PCDH11X: variants seen among roughly 807,000 people sequenced by gnomAD.
The protein encoded by PCDH11X is protocadherin-11 X-linked.
A neutral mutation model predicts 53.3 loss-of-function variants in PCDH11X; 18 were observed. That is an observed-to-expected ratio of 0.34 (90% CI 0.23 to 0.50). PCDH11X has a LOEUF of 0.50. Among genes scored for constraint, PCDH11X ranks in the 20% least tolerant of loss-of-function variants. The pLI is 0.98. For missense variants in PCDH11X, 570 were observed against 1,032.4 expected (o/e 0.55, Z 6.14); for synonymous variants, 279 against 393.3 (o/e 0.71, Z 3.44).
intron 6 of PCDH11X, among the ~76,000 whole-genome samples, chrX:91,931,185 A>G (rs1942125284): frequency 9.4e-6 from 1 of 106,859 alleles, no homozygotes; most frequent in Non-Finnish European, 1.9e-5. Flanking sequence ...GTATATGATC[A>G]TTAATTTTGA....
At chrX:92,501,949 T>A (rs1352719159) in intron 10 of PCDH11X, among the ~76,000 whole-genome samples, 1 of 110,831 alleles carries the variant, frequency 9.0e-6, no homozygotes, top group African/African-American at 3.3e-5. Flanking sequence ...GCAGATGACA[T>A]CATCCTATAT....
At chrX:92,309,391 C>A in intron 8 of PCDH11X, among the ~76,000 whole-genome samples, 1 of 111,628 alleles carries the variant, frequency 9.0e-6, no homozygotes, top group Middle Eastern at 4.6e-3. Flanking sequence ...AAACCATTCA[C>A]AAAAGGACGA....
In PCDH11X at chrX:92,619,090, C is replaced by T; in HGVS notation, c.*150C>T. On this transcript the variant is annotated 3_prime_UTR_variant, in exon 11 of 11. Coordinates refer to ENST00000682573, the MANE Select transcript of PCDH11X (RefSeq NM_032968.5). ...ATAAATCTACAGCTAGACCCTTAGTCAATAGTTAACCAAAAAATTGCAATT... is the reference window on the plus strand; with the variant it reads ...ATAAATCTACAGCTAGACCCTTAGTTAATAGTTAACCAAAAAATTGCAATT... 1 of 636,352 alleles carries T rather than the reference C, an allele frequency of 1.6e-6. No individual in the cohort carries two copies. The allele number at this position is 636,352 out of a possible 1,213,427, so 52.4% of individuals were successfully genotyped here. A position where few individuals can be genotyped will look rare whatever the true frequency, so the allele number is the denominator to read the frequency against.
chrX:92,087,369 G>T (rs369093738), intron 6 of PCDH11X, among the ~76,000 whole-genome samples: 2 of 108,868 alleles, frequency 1.8e-5, no homozygotes, highest in East Asian at 2.9e-4. Context: ...TGGGATTACA[G>T]GCGTGAGCCA....
At chrX:92,383,692 G>T (rs377581597) in intron 8 of PCDH11X, among the ~76,000 whole-genome samples, 1 of 111,799 alleles carries the variant, frequency 8.9e-6, no homozygotes, top group Non-Finnish European at 1.9e-5. Context: ...TCCATGGAGT[G>T]TATGTGCCAC....
chrX:91,977,212 CAAAT>C (rs1244412397), intron 6 of PCDH11X, among the ~76,000 whole-genome samples: 1 of 111,390 alleles, frequency 9.0e-6, no homozygotes, highest in African/African-American at 3.3e-5. Context: ...TCTCTTTTAA[CAAAT>C]AAAAAGAAAA....
intron 6 of PCDH11X, among the ~76,000 whole-genome samples, chrX:92,064,753 CG>C (rs2063580367): frequency 9.2e-6 from 1 of 109,150 alleles, no homozygotes; most frequent in Admixed American, 9.9e-5. Context: ...TTTTTCTCCC[CG>C]GGGGAGGCAG....
At chrX:91,793,760 C>G (rs1483886169) in intron 1 of PCDH11X, among the ~76,000 whole-genome samples, 1 of 111,003 alleles carries the variant, frequency 9.0e-6, no homozygotes, top group Non-Finnish European at 1.9e-5. Context: ...TAATAATACA[C>G]TAAGGTGTAT....
At chrX:91,961,678 G>T (rs1271975598) in intron 6 of PCDH11X, among the ~76,000 whole-genome samples, 1 of 106,749 alleles carries the variant, frequency 9.4e-6, no homozygotes, top group Non-Finnish European at 1.9e-5. Flanking sequence ...CTCAAAAGGA[G>T]AAATTTTAAA....
intron 8 of PCDH11X, among the ~76,000 whole-genome samples, chrX:92,384,721 G>A (rs1321790920): frequency 2.8e-5 from 3 of 105,434 alleles, no homozygotes; most frequent in Admixed American, 1.0e-4. Flanking sequence ...TCTGGGTGGT[G>A]CCAGCTGGTC....
intron 7 of PCDH11X, among the ~76,000 whole-genome samples, chrX:92,222,139 A>C (rs976103437): frequency 8.2e-5 from 4 of 48,671 alleles, no homozygotes; most frequent in African/African-American, 1.7e-4. Context: ...CAGCCTCTTC[A>C]ATAGATTTTT....
intron 7 of PCDH11X, among the ~76,000 whole-genome samples, chrX:92,221,776 G>A (rs962088226): frequency 1.8e-5 from 2 of 111,145 alleles, no homozygotes; most frequent in East Asian, 2.8e-4. Context: ...TGGGTCTACT[G>A]TATGACCATT....
At chrX:92,024,731 A>T (rs1005205535) in intron 6 of PCDH11X, among the ~76,000 whole-genome samples, 1 of 108,233 alleles carries the variant, frequency 9.2e-6, no homozygotes, top group Non-Finnish European at 1.9e-5. Flanking sequence ...AAAAAAAAAA[A>T]AAAAAACAAA....
intron 6 of PCDH11X, among the ~76,000 whole-genome samples, chrX:92,160,156 C>CT (rs1314124500): frequency 0.021 from 2,159 of 102,993 alleles, 38 homozygotes; most frequent in African/African-American, 0.056. Context: ...TGTTTTTTTT[C>CT]TTTTTTTTTT....
chrX:91,994,880 G>C (rs1183517180), intron 6 of PCDH11X, among the ~76,000 whole-genome samples: 14 of 110,779 alleles, frequency 1.3e-4, no homozygotes, highest in African/African-American at 4.6e-4. Flanking sequence ...GTTTTAATTT[G>C]CATTTCCCTA....
At chrX:92,149,088 A>G (rs1213675605) in intron 6 of PCDH11X, among the ~76,000 whole-genome samples, 2 of 111,338 alleles carry the variant, frequency 1.8e-5, no homozygotes, top group Non-Finnish European at 3.8e-5. Flanking sequence ...ATCTATCAGA[A>G]ACGAGTGTAT....
At chrX:92,054,820 C>CAAAAAAAAAAAAAAAAAAAAAA (rs1174448342) in intron 6 of PCDH11X, among the ~76,000 whole-genome samples, 14 of 25,330 alleles carry the variant, frequency 5.5e-4, no homozygotes, top group East Asian at 1.4e-3. Context: ...AACTCTGTCT[C>CAAAAAAAAAAAAAAAAAAAAAA]AAAAAAAAAA....
intron 6 of PCDH11X, chrX:91,879,753 C>T (rs1364484147): frequency 2.6e-6 from 2 of 762,140 alleles, no homozygotes; most frequent in East Asian, 2.7e-4. Context: ...AAGTTATTCC[C>T]CCCATACTCT....
At chrX:92,243,263 T>C (rs188167159) in intron 7 of PCDH11X, among the ~76,000 whole-genome samples, 1 of 112,225 alleles carries the variant, frequency 8.9e-6, no homozygotes, top group Non-Finnish European at 1.9e-5. Context: ...TTGAATTAAA[T>C]TTTAAATTAA....
Sources: allele counts gnomAD v4.1 joint callset (sites outside exome capture counted in the v4.1 genomes callset), GRCh38; gene constraint gnomAD v4.1.1; transcripts MANE v1.5; gene names NCBI Gene and HGNC (gene_info 2026-07-23, HGNC 2026-07-21).